Variants in CNIH3 observed in about 807,000 individuals in gnomAD.
CNIH3 encodes protein cornichon homolog 3.
CNIH3 carries 14 observed loss-of-function variants against 24.1 expected under a neutral mutation model. The ratio of observed to expected loss-of-function variants is 0.58; its 90% confidence interval spans 0.38 to 0.91. The LOEUF is 0.91. Ranked by LOEUF, CNIH3 falls within the 40% of genes least tolerant of loss-of-function variation. CNIH3 has a pLI of 0.00. For missense variants in CNIH3, 178 were observed against 196.8 expected (o/e 0.90, Z 0.57); for synonymous variants, 68 against 73.8 (o/e 0.92, Z 0.40).
intron 3 of CNIH3, among the ~76,000 whole-genome samples, chr1:224,713,113 C>G (rs1396335266): frequency 2.0e-5 from 3 of 152,182 alleles, no homozygotes; most frequent in Non-Finnish European, 4.4e-5. Flanking sequence ...CTTGACTGTA[C>G]TGTTATTGAG....
At chr1:224,487,903 CTTTATT>C (rs1677089296) in intron 1 of CNIH3, among the ~76,000 whole-genome samples, 1 of 152,138 alleles carries the variant, frequency 6.6e-6, no homozygotes, top group African/African-American at 2.4e-5. Context: ...CCCTTTCCTT[CTTTATT>C]GTTTCTTTAA....
At chr1:224,632,610 G>A (rs1431060558) in intron 1 of CNIH3, among the ~76,000 whole-genome samples, 9 of 152,054 alleles carry the variant, frequency 5.9e-5, no homozygotes, top group African/African-American at 1.9e-4. Context: ...ATGTGAGAGC[G>A]GGGTGGGGTG....
chr1:224,453,255 C>T (rs535405853), intron 1 of CNIH3, among the ~76,000 whole-genome samples: 2 of 152,200 alleles, frequency 1.3e-5, no homozygotes, highest in South Asian at 2.1e-4. Flanking sequence ...ACTGCAGCCT[C>T]GACTTCCTGG....
intron 1 of CNIH3, among the ~76,000 whole-genome samples, chr1:224,457,664 A>T (rs1299885073): frequency 6.6e-6 from 1 of 152,006 alleles, no homozygotes; most frequent in African/African-American, 2.4e-5. Context: ...TGTTCTTGTA[A>T]CTTTCCAGTC....
intron 1 of CNIH3, among the ~76,000 whole-genome samples, chr1:224,663,521 A>C (rs556912394): frequency 6.6e-5 from 10 of 152,296 alleles, no homozygotes; most frequent in African/African-American, 2.4e-4. Context: ...TGAGAGGAGC[A>C]GTTGTCACTG....
chr1:224,707,336 A>G (rs1230662491), intron 3 of CNIH3, among the ~76,000 whole-genome samples: 1 of 152,128 alleles, frequency 6.6e-6, no homozygotes, highest in Non-Finnish European at 1.5e-5. Context: ...GAGCAAATCT[A>G]TTGGATGAAA....
rs11437581 is a variant in CNIH3 at position 224,711,794 on chromosome 1, CAA to C, written c.199-18645_199-18644del. On this transcript the variant is annotated intron_variant, in intron 3 of 5. Coordinates refer to ENST00000272133, the MANE Select transcript of CNIH3 (RefSeq NM_152495.2). ...TGGGTGACAGAGCCAGACCCTGTCTCAAAAAAAAAAAAAAAAAAAAAAAAGAA... is the reference window on the plus strand; with the variant it reads ...TGGGTGACAGAGCCAGACCCTGTCTCAAAAAAAAAAAAAAAAAAAAAAGAA... Among the ~76,000 whole-genome samples, 84 of 65,652 alleles carry C rather than the reference CAA, an allele frequency of 1.3e-3. No homozygotes were observed. The East Asian group carries it at 0.018, about 14-fold the overall frequency. 43.1% of individuals were successfully genotyped at this position (65,652 alleles called of 152,430 possible).
In CNIH3 at chr1:224,720,208, C is replaced by T. The variant is rs1688637567; in HGVS notation, c.199-10254C>T. Among the ~76,000 whole-genome samples, 3 of 151,374 alleles carry T rather than the reference C, an allele frequency of 2.0e-5. No homozygotes were observed. In the South Asian group the frequency reaches 6.3e-4, roughly 32 times the overall value. On this transcript the variant is annotated intron_variant, in intron 3 of 5. Coordinates refer to ENST00000272133, the MANE Select transcript of CNIH3 (RefSeq NM_152495.2). ...AATTTTTCCAAGCTGCTGAGTGTAA[C>T]AGGTAATTAACACCACTTAATAAGT...
chr1:224,543,388 T>G (rs1280963014), intron 2 of CNIH3, among the ~76,000 whole-genome samples: 4 of 152,198 alleles, frequency 2.6e-5, no homozygotes, highest in Non-Finnish European at 5.9e-5. Context: ...CGTACTTTAG[T>G]TCACGGGAGT....
chr1:224,732,222 G>A (rs1689371639), intron 4 of CNIH3, among the ~76,000 whole-genome samples: 2 of 152,138 alleles, frequency 1.3e-5, no homozygotes, highest in South Asian at 4.2e-4. Flanking sequence ...AAGCTGTGGA[G>A]GTGAACTGGA....
At chr1:224,527,813 T>C (rs1409904209) in intron 2 of CNIH3, among the ~76,000 whole-genome samples, 1 of 152,216 alleles carries the variant, frequency 6.6e-6, no homozygotes, top group African/African-American at 2.4e-5. Context: ...CCAATAAATA[T>C]ATAATTATGT....
rs749503351 is a variant in CNIH3, at chr1:224,617,211, T to G, written c.37T>G (p.Ser13Ala). Residue 13 changes from serine (S) to alanine (A), a missense_variant, in exon 1 of 6, where the codon TCT becomes GCT. Coordinates refer to ENST00000272133, the MANE Select transcript of CNIH3 (RefSeq NM_152495.2). ...TTTCGCTGCGTTCTGCTACATGCTG[T>G]CTCTGGTGCTGTGCGCTGCGCTCAT... ...FTFAAFCYML[S>A]LVLCAALIFF... 1.9e-6 allele frequency: 3 copies of G among 1,614,162 alleles called. No homozygotes were observed. Among genetic ancestry groups the G allele is most frequent in the Non-Finnish European group, 1.7e-6 (2 of 1,180,010 alleles).
At position 224,572,298 on chromosome 1, in the gene CNIH3, C is replaced by A. The variant is rs1022736996; in HGVS notation, n.516+6034C>A. On this transcript the variant is annotated intron_variant and non_coding_transcript_variant, in intron 4 of 5. Coordinates refer to the CNIH3 transcript ENST00000471578. ...TGGGAGGCTGAGGAGGGTGAATCAC[C>A]TGAGGTCAGGAGTTTGAGACCAGCC... 2.6e-5 allele frequency among the ~76,000 whole-genome samples: 4 copies of A among 152,168 alleles called. No individual in the cohort carries two copies. The East Asian group carries it at 7.8e-4, about 30-fold the overall frequency.
intron 3 of CNIH3, among the ~76,000 whole-genome samples, chr1:224,725,151 A>G (rs1373011392): frequency 6.6e-6 from 1 of 152,210 alleles, no homozygotes; most frequent in African/African-American, 2.4e-5. Flanking sequence ...TGGAGGTTGC[A>G]GTGAGCCAAG....
At chr1:224,522,081 G>T (rs1678657986) in intron 2 of CNIH3, among the ~76,000 whole-genome samples, 1 of 152,204 alleles carries the variant, frequency 6.6e-6, no homozygotes, top group African/African-American at 2.4e-5. Context: ...CTCACAGCAT[G>T]TGCCATTGGA....
rs763124275 is a variant in CNIH3, at chr1:224,597,012, C to T, written n.402+30748C>T. On this transcript the variant is annotated intron_variant and non_coding_transcript_variant, in intron 3 of 7. Coordinates refer to the CNIH3 transcript ENST00000478120. ...TACTAAAAATACAAAATTAGCCAGG[C>T]GTGGTGGTGCATGCCTGTAATCCCA... is the stretch of plus-strand genomic sequence containing the variant. 6.3e-4 allele frequency among the ~76,000 whole-genome samples: 95 copies of T among 151,942 alleles called. 1 individual carries two copies. Among genetic ancestry groups the T allele is most frequent in the Non-Finnish European group, 9.0e-4 (61 of 67,978 alleles).
upstream of CNIH3, among the ~76,000 whole-genome samples, chr1:224,514,333 A>G (rs910879473): frequency 6.6e-6 from 1 of 152,198 alleles, no homozygotes; most frequent in Non-Finnish European, 1.5e-5. Context: ...TGGGCACTAG[A>G]TAAATATCAT....
At chr1:224,602,371 A>T (rs1057499943) in intron 3 of CNIH3, among the ~76,000 whole-genome samples, 8 of 152,228 alleles carry the variant, frequency 5.3e-5, no homozygotes, top group African/African-American at 1.9e-4. Flanking sequence ...ATAATATTTT[A>T]AATTGTTTTA....
At chr1:224,567,854 AG>A (rs1680643274) in intron 4 of CNIH3, among the ~76,000 whole-genome samples, 1 of 152,216 alleles carries the variant, frequency 6.6e-6, no homozygotes, top group South Asian at 2.1e-4. Context: ...GGATGTTATA[AG>A]ATCGAGAACC....
Sources: gnomAD v4.1 joint callset for allele counts (sites outside exome capture counted in the v4.1 genomes callset) on GRCh38, gnomAD v4.1.1 for gene constraint, MANE v1.5 for transcripts, NCBI Gene and HGNC (gene_info 2026-07-23, HGNC 2026-07-21) for gene names.